The following DSCAM variants were observed in gnomAD, a reference collection of about 807,000 sequenced individuals.
DSCAM encodes the protein DS cell adhesion molecule, also known as cell adhesion molecule DSCAM.
Under a neutral mutation model 217.7 loss-of-function variants are expected in DSCAM, and 47 were observed. The ratio of observed to expected loss-of-function variants is 0.22; its 90% CI spans 0.17 to 0.28. The LOEUF is 0.28. Among genes scored for constraint, DSCAM ranks in the 10% least tolerant of loss-of-function variants. The pLI, the probability that DSCAM is intolerant of heterozygous loss-of-function variation, is 1.00. For missense variants in DSCAM, 2,080 were observed against 2,618.3 expected (o/e 0.79, Z 4.49); for synonymous variants, 1,056 against 1,015.3 (o/e 1.04, Z -0.76).
intron 27 of DSCAM, among the ~76,000 whole-genome samples, chr21:40,066,457 T>C (rs560377551): frequency 6.6e-6 from 1 of 152,340 alleles, no homozygotes; most frequent in South Asian, 2.1e-4. Flanking sequence ...GATTTCTAGG[T>C]AATTCCCTAC....
intron 1 of DSCAM, among the ~76,000 whole-genome samples, chr21:40,712,555 CA>C (rs1246806358): frequency 1.3e-5 from 2 of 148,376 alleles, no homozygotes; most frequent in African/African-American, 5.0e-5. Context: ...TTCACATATT[CA>C]ATGGGCTCAT....
intron 3 of DSCAM, among the ~76,000 whole-genome samples, chr21:40,426,509 T>C (rs1310631885): frequency 6.6e-6 from 1 of 152,244 alleles, no homozygotes; most frequent in East Asian, 1.9e-4. Flanking sequence ...CATCTCGTTA[T>C]ACATTCTAAA....
chr21:40,203,954 T>A lies in DSCAM; in HGVS notation c.2357-14716A>T, dbSNP rs1045123981. 3.9e-5 allele frequency among the ~76,000 whole-genome samples: 6 copies of A among 152,156 alleles called. 1 individual carries two copies. The highest frequency in any genetic ancestry group is 2.6e-4 in the Admixed American group (4 of 15,272). On this transcript the variant is annotated intron_variant, in intron 11 of 32. Coordinates refer to ENST00000400454, the MANE Select transcript of DSCAM (RefSeq NM_001389.5). ...TAAAAGTAAATTTCACTTATGTAGGTTTTAAATGAAATATTAATGAATTTG... is the reference window on the plus strand; with the variant it reads ...TAAAAGTAAATTTCACTTATGTAGGATTTAAATGAAATATTAATGAATTTG...
chr21:40,829,758 C>A (rs1010450561), intron 1 of DSCAM, among the ~76,000 whole-genome samples: 1 of 152,164 alleles, frequency 6.6e-6, no homozygotes, highest in African/African-American at 2.4e-5. Context: ...ATGGGTGACA[C>A]ATGCTGCACG....
chr21:40,583,906 T>TAAAAAAA (rs10681677), intron 3 of DSCAM, among the ~76,000 whole-genome samples: 1 of 140,106 alleles, frequency 7.1e-6, no homozygotes. Flanking sequence ...TAAAGTCTAT[T>TAAAAAAA]AAAAAAAAAA....
intron 1 of DSCAM, among the ~76,000 whole-genome samples, chr21:40,814,806 G>A (rs2091867110): frequency 1.3e-5 from 2 of 152,144 alleles, no homozygotes; most frequent in South Asian, 4.1e-4. Flanking sequence ...AGGAAGAGCA[G>A]GTAACTGAAA....
At chr21:40,510,118 C>T (rs2076246463) in intron 3 of DSCAM, among the ~76,000 whole-genome samples, 1 of 152,018 alleles carries the variant, frequency 6.6e-6, no homozygotes, top group Admixed American at 6.6e-5. Context: ...AGCGAGACTC[C>T]ATCTCATAAA....
chr21:40,240,378 C>A (rs1297910625), intron 11 of DSCAM, among the ~76,000 whole-genome samples: 1 of 46,622 alleles, frequency 2.1e-5, no homozygotes, highest in Admixed American at 2.3e-4. Context: ...TTTTTTGCCT[C>A]CTTTTCTATT....
At chr21:40,822,414 T>C (rs147592157) in intron 1 of DSCAM, among the ~76,000 whole-genome samples, 4 of 151,810 alleles carry the variant, frequency 2.6e-5, no homozygotes, top group African/African-American at 4.8e-5. Context: ...TTTGTCTCCT[T>C]GTTTTATTAG....
In DSCAM at chr21:40,347,763, C is replaced by T; in HGVS notation, c.1117G>A (p.Asp373Asn). ...CCCCCGTCACTTTTGACCATGTGAT[C>T]CATTATAAGGTTTTCGTGGTTGATC... ...TGINHENLIM[D>N]HMVKSDGGAY... The change falls in exon 6 of 33, where the codon GAT (aspartate) becomes AAT (asparagine). Residue 373 changes from aspartate (D) to asparagine (N), a missense_variant. Transcript: ENST00000400454. 6 of 1,614,200 alleles carry T rather than the reference C, an allele frequency of 3.7e-6. No individual in the cohort carries two copies. The highest frequency in any genetic ancestry group is 4.2e-6 in the Non-Finnish European group (5 of 1,180,032).
intron 3 of DSCAM, among the ~76,000 whole-genome samples, chr21:40,443,657 A>T (rs927819168): frequency 6.6e-6 from 1 of 152,202 alleles, no homozygotes; most frequent in African/African-American, 2.4e-5. Context: ...ATGAGTTTTC[A>T]TTTGGTCAAT....
chr21:40,699,282 C>T (rs1341540264), intron 2 of DSCAM, among the ~76,000 whole-genome samples: 1 of 152,190 alleles, frequency 6.6e-6, no homozygotes, highest in Non-Finnish European at 1.5e-5. Context: ...ACCTCACTGA[C>T]ATGCCATTTT....
At chr21:40,759,687 C>A (rs927601605) in intron 1 of DSCAM, among the ~76,000 whole-genome samples, 1 of 152,150 alleles carries the variant, frequency 6.6e-6, no homozygotes, top group Admixed American at 6.5e-5. Flanking sequence ...GCATGAGAAC[C>A]ATTCTGGCTT....
chr21:40,178,928 T>G lies in DSCAM; in HGVS notation c.2946A>C (p.Ala982=). The change falls in exon 15 of 33, where the codon GCA becomes GCC. Residue 982 remains alanine (A), a splice_region_variant and synonymous_variant. Transcript: ENST00000400454. ...SNELTITADE[A]APDGPPQEVH... is the part of the protein sequence containing the mutation. Reference sequence around the variant, plus strand: ...AAGGTTCCGCCCGGTCCCACGTACCTGCCTCGTCCGCCGTGATGGTGAGCT... The same window carrying G: ...AAGGTTCCGCCCGGTCCCACGTACCGGCCTCGTCCGCCGTGATGGTGAGCT... 1 of 1,613,426 alleles carries G rather than the reference T, an allele frequency of 6.2e-7. No individual in the cohort carries two copies. The highest frequency in any genetic ancestry group is 8.5e-7 in the Non-Finnish European group (1 of 1,179,964).
intron 8 of DSCAM, among the ~76,000 whole-genome samples, chr21:40,314,456 T>C (rs1431629957): frequency 1.3e-5 from 2 of 152,184 alleles, no homozygotes; most frequent in East Asian, 1.9e-4. Context: ...TGAGATTCTA[T>C]CCAGTGCTGG....
intron 1 of DSCAM, among the ~76,000 whole-genome samples, chr21:40,721,917 ATTAAAAAATAAATACATG>A (rs2146508325): frequency 6.6e-6 from 1 of 152,268 alleles, no homozygotes; most frequent in South Asian, 2.1e-4. Flanking sequence ...AGGCAACCAG[ATTAAAAAATAAATACATG>A]TTATATTTAG....
At chr21:40,769,966 T>C (rs775311512) in intron 1 of DSCAM, among the ~76,000 whole-genome samples, 7 of 152,208 alleles carry the variant, frequency 4.6e-5, no homozygotes, top group African/African-American at 1.7e-4. Flanking sequence ...TTTTTTGTAT[T>C]TGGAATTGTG....
chr21:40,046,218 T>G (rs913070941), intron 30 of DSCAM, among the ~76,000 whole-genome samples: 2 of 152,354 alleles, frequency 1.3e-5, no homozygotes, highest in South Asian at 4.1e-4. Flanking sequence ...ATTTCCTCAC[T>G]GCAAGTTTCT....
At chr21:40,773,630 T>C (rs2091464600) in intron 1 of DSCAM, among the ~76,000 whole-genome samples, 1 of 152,148 alleles carries the variant, frequency 6.6e-6, no homozygotes, top group African/African-American at 2.4e-5. Flanking sequence ...CCTAACACAT[T>C]TCAGCAAAGT....
Sources: gnomAD v4.1 joint callset for allele counts (sites outside exome capture counted in the v4.1 genomes callset) on GRCh38, gnomAD v4.1.1 for gene constraint, MANE v1.5 for transcripts, NCBI Gene and HGNC (gene_info 2026-07-23, HGNC 2026-07-21) for gene names.